CEP63: variants seen among roughly 807,000 people sequenced by gnomAD.
The protein encoded by CEP63 is centrosomal protein of 63 kDa.
Under a neutral mutation model 89.1 loss-of-function variants are expected in CEP63, and 84 were observed. The ratio of observed to expected loss-of-function variants is 0.94; its 90% CI spans 0.79 to 1.13. The LOEUF is 1.13. Among genes scored for constraint, CEP63 ranks in the 50% most tolerant of loss-of-function variants. CEP63 has a pLI of 0.00. For synonymous variants in CEP63, 267 were observed against 272.5 expected, an observed-to-expected ratio of 0.98 and a Z score of 0.20; for missense variants, 838 against 813.3, an observed-to-expected ratio of 1.03 and a Z score of -0.37.
At chr3:134,669,008 A>G in the CEP63 span, among the ~76,000 whole-genome samples, 2 of 151,924 alleles carry the variant, frequency 1.3e-5, no homozygotes, top group Non-Finnish European at 2.9e-5. Flanking sequence ...TTAGGGCAGT[A>G]TGCTTCCTTC....
intron 5 of CEP63, 101 bp downstream of exon 5, chr3:134,533,001 C>G: frequency 8.2e-7 from 1 of 1,213,938 alleles, no homozygotes; most frequent in South Asian, 1.2e-5. Flanking sequence ...TTTCTACTAT[C>G]TTAAGGACTG....
the CEP63 span, chr3:134,643,405 C>G: frequency 6.2e-7 from 1 of 1,602,486 alleles, no homozygotes; most frequent in Middle Eastern, 1.7e-4. Flanking sequence ...GAGAGGCCTG[C>G]AGTGACCACT....
At chr3:134,676,055 A>G in the CEP63 span, among the ~76,000 whole-genome samples, 19 of 152,326 alleles carry the variant, frequency 1.2e-4, no homozygotes, top group Middle Eastern at 3.4e-3. Flanking sequence ...AGAAGTGAAA[A>G]TGTATTACTC....
intron 2 of CEP63, among the ~76,000 whole-genome samples, chr3:134,499,076 C>T (rs143360499): frequency 0.01 from 1,557 of 152,232 alleles, 16 homozygotes; most frequent in Middle Eastern, 0.051. Context: ...AAATTTTTCT[C>T]GCCTTCAATT....
intron 2 of CEP63, among the ~76,000 whole-genome samples, chr3:134,497,284 C>T (rs944510137): frequency 1.1e-4 from 16 of 152,126 alleles, no homozygotes; most frequent in African/African-American, 3.4e-4. Flanking sequence ...TCCCAATTGT[C>T]GGTTTTTGTT....
the CEP63 span, among the ~76,000 whole-genome samples, chr3:134,742,624 C>G: frequency 6.6e-6 from 1 of 152,186 alleles, no homozygotes; most frequent in Non-Finnish European, 1.5e-5. Flanking sequence ...TACTTGTCCC[C>G]TCCAAAACTC....
At chr3:134,656,400 G>GAGC in the CEP63 span, among the ~76,000 whole-genome samples, 1 of 152,188 alleles carries the variant, frequency 6.6e-6, no homozygotes, top group African/African-American at 2.4e-5. Flanking sequence ...AGGAGCAGAA[G>GAGC]AGCAGCCAAA....
chr3:134,741,258 C>G, the CEP63 span, among the ~76,000 whole-genome samples: 2 of 152,174 alleles, frequency 1.3e-5, no homozygotes, highest in Non-Finnish European at 2.9e-5. Flanking sequence ...TCGGTCTGCA[C>G]CTTGTTTTAT....
chr3:134,504,779 G>T (rs1943038695), intron 2 of CEP63, among the ~76,000 whole-genome samples: 1 of 152,010 alleles, frequency 6.6e-6, no homozygotes, highest in Non-Finnish European at 1.5e-5. Flanking sequence ...ATGCCATGTA[G>T]GCTTTCTTTT....
the CEP63 span, among the ~76,000 whole-genome samples, chr3:134,726,771 C>A: frequency 6.6e-6 from 1 of 152,144 alleles, no homozygotes; most frequent in Non-Finnish European, 1.5e-5. Context: ...ACAGCCCCAG[C>A]CTTCAGAGCC....
At chr3:134,761,028 A>G in the CEP63 span, among the ~76,000 whole-genome samples, 22 of 152,162 alleles carry the variant, frequency 1.4e-4, no homozygotes, top group African/African-American at 5.1e-4. Context: ...AAAAAAAAAA[A>G]AAAGAAAGGC....
chr3:134,646,434 C>G, the CEP63 span, among the ~76,000 whole-genome samples: 1 of 152,158 alleles, frequency 6.6e-6, no homozygotes, highest in Admixed American at 6.5e-5. Flanking sequence ...CATTATAATT[C>G]CAATCATTTT....
At chr3:134,698,974 G>A in the CEP63 span, among the ~76,000 whole-genome samples, 2 of 152,206 alleles carry the variant, frequency 1.3e-5, no homozygotes, top group African/African-American at 4.8e-5. Context: ...CAATGAGGCT[G>A]TACTTCATTG....
chr3:134,577,431 CTTTTTT>C (rs10662705), downstream of CEP63, among the ~76,000 whole-genome samples: 4 of 86,328 alleles, frequency 4.6e-5, no homozygotes, highest in East Asian at 3.9e-4. Context: ...TTCTAATCCA[CTTTTTT>C]TTTTTTTTTT....
the CEP63 span, among the ~76,000 whole-genome samples, chr3:134,737,612 T>C: frequency 6.6e-6 from 1 of 152,236 alleles, no homozygotes; most frequent in Admixed American, 6.5e-5. Context: ...ATTTTACTCT[T>C]TTTCACTATT....
At chr3:134,689,736 G>A in the CEP63 span, among the ~76,000 whole-genome samples, 1 of 152,134 alleles carries the variant, frequency 6.6e-6, no homozygotes, top group Non-Finnish European at 1.5e-5. Context: ...TTACAAGCAT[G>A]AGCCACTGTG....
chr3:134,606,843 C>T, the CEP63 span, among the ~76,000 whole-genome samples: 3 of 151,744 alleles, frequency 2.0e-5, no homozygotes, highest in South Asian at 2.1e-4. Context: ...CTCCCCTCCA[C>T]GGCACTCTCC....
At chr3:134,630,190 A>G in the CEP63 span, among the ~76,000 whole-genome samples, 1 of 152,198 alleles carries the variant, frequency 6.6e-6, no homozygotes, top group Non-Finnish European at 1.5e-5. Flanking sequence ...GGGAACCCCT[A>G]AGAGTCAGAG....
At position 134,525,072 on chromosome 3, in the gene CEP63, C is replaced by T. The variant is rs149433324; in HGVS notation, c.223-6773C>T. 9.5e-3 allele frequency among the ~76,000 whole-genome samples: 1,444 copies of T among 152,252 alleles called. 27 individuals carry two copies. The highest frequency in any genetic ancestry group is 0.033 in the African/African-American group (1,363 of 41,540). On this transcript the variant is annotated intron_variant, in intron 3 of 14. Coordinates refer to ENST00000675561, the MANE Select transcript of CEP63 (RefSeq NM_001353108.3). ...TTCAATTTCAGAACTTGTTATTGGT[C>T]TGTTCAGGGGTTCAGTTTCTTCCTG...
Sources: gnomAD v4.1 joint callset for allele counts (sites outside exome capture counted in the v4.1 genomes callset) on GRCh38, gnomAD v4.1.1 for gene constraint, MANE v1.5 for transcripts, NCBI Gene and HGNC (gene_info 2026-07-23, HGNC 2026-07-21) for gene names.